MKLN1: variants seen among roughly 807,000 people sequenced by gnomAD.
The protein encoded by MKLN1 is muskelin 1.
A neutral mutation model predicts 99.0 loss-of-function variants in MKLN1; 18 were observed. The observed-to-expected ratio is 0.18, with a 90% CI of 0.13 to 0.27. The LOEUF (loss-of-function observed/expected upper bound fraction) is 0.27. MKLN1 is among the 10% of genes least tolerant of loss of function. MKLN1 has a pLI of 1.00. For missense variants in MKLN1, 621 were observed against 875.9 expected (o/e 0.71, Z 3.67); for synonymous variants, 288 against 293.2 (o/e 0.98, Z 0.18).
At chr7:131,217,765 T>G (rs1797005098) in intron 3 of MKLN1, among the ~76,000 whole-genome samples, 1 of 152,194 alleles carries the variant, frequency 6.6e-6, no homozygotes, top group African/African-American at 2.4e-5. Flanking sequence ...GAAGAAATAC[T>G]TGTACCCCTG....
chr7:131,160,898 G>T (rs1436882767), intron 2 of MKLN1, among the ~76,000 whole-genome samples: 2 of 152,040 alleles, frequency 1.3e-5, no homozygotes, highest in Non-Finnish European at 2.9e-5. Flanking sequence ...TACTCAGAAG[G>T]GGAGAAGTAT....
chr7:131,132,614 A>G (rs1472572788), intron 1 of MKLN1, among the ~76,000 whole-genome samples: 4 of 152,130 alleles, frequency 2.6e-5, no homozygotes, highest in Non-Finnish European at 2.9e-5. Flanking sequence ...GGAAGGAGGT[A>G]GATTTGGGCC....
upstream of MKLN1, chr7:131,323,280 G>A (rs1238842162): frequency 1.3e-5 from 2 of 152,236 alleles, no homozygotes; most frequent in African/African-American, 4.8e-5. Flanking sequence ...AGATCACAGG[G>A]CTGGAAGGAA....
intron 1 of MKLN1, among the ~76,000 whole-genome samples, chr7:131,124,339 A>T (rs1358345352): frequency 2.6e-5 from 4 of 152,212 alleles, no homozygotes; most frequent in African/African-American, 9.7e-5. Context: ...TGGGGGCTGA[A>T]CACCTGGCCG....
At chr7:131,197,397 TTATTATTATTA>T (rs1796664710) in intron 2 of MKLN1, among the ~76,000 whole-genome samples, 1 of 125,692 alleles carries the variant, frequency 8.0e-6, no homozygotes, top group Non-Finnish European at 1.8e-5. Context: ...ATTATTATTA[TTATTATTATTA>T]TTATTATTAT....
chr7:131,289,976 A>C (rs1397405026), intron 3 of MKLN1, among the ~76,000 whole-genome samples: 1 of 152,274 alleles, frequency 6.6e-6, no homozygotes, highest in South Asian at 2.1e-4. Flanking sequence ...TCTTTGCCCA[A>C]ATATTGTCTT....
intron 3 of MKLN1, among the ~76,000 whole-genome samples, chr7:131,291,492 T>G (rs947526853): frequency 4.0e-5 from 6 of 151,758 alleles, no homozygotes; most frequent in Non-Finnish European, 8.8e-5. Flanking sequence ...AGAGTACTTA[T>G]GTACAGAGTT....
intron 8 of MKLN1, among the ~76,000 whole-genome samples, chr7:131,426,195 A>G (rs1363114512): frequency 1.3e-5 from 2 of 152,228 alleles, no homozygotes; most frequent in African/African-American, 4.8e-5. Flanking sequence ...GTGAGAATTT[A>G]TGCGTACAAA....
At chr7:131,433,113 C>T (rs1795575261) in intron 9 of MKLN1, among the ~76,000 whole-genome samples, 2 of 152,152 alleles carry the variant, frequency 1.3e-5, no homozygotes, top group South Asian at 4.1e-4. Flanking sequence ...GAATTTAGAC[C>T]ATGATCATGT....
rs181218451 is a variant in MKLN1 at position 131,417,700 on chromosome 7, A to G, written c.847+2990A>G. Among the ~76,000 whole-genome samples, 99 of 152,310 alleles carry G rather than the reference A, an allele frequency of 6.5e-4. 1 individual carries two copies. Among genetic ancestry groups the G allele is most frequent in the Admixed American group, 2.0e-3 (31 of 15,298 alleles). On this transcript the variant is annotated intron_variant, in intron 8 of 17. Coordinates refer to ENST00000352689, the MANE Select transcript of MKLN1 (RefSeq NM_013255.5). ...AAAAAATATGTTTCCAAGAAGAGCT[A>G]TCTGAAACCTTTTGTCGACATTTTG...
chr7:131,374,592 C>G (rs1480910178), intron 1 of MKLN1, among the ~76,000 whole-genome samples: 3 of 152,100 alleles, frequency 2.0e-5, no homozygotes, highest in Admixed American at 6.5e-5. Flanking sequence ...AACCCATATT[C>G]CTTGTGAAAA....
At chr7:131,295,547 G>GA (rs59935776) in intron 3 of MKLN1, among the ~76,000 whole-genome samples, 65,521 of 149,278 alleles carry the variant, frequency 0.44, 15,673 homozygotes, top group Admixed American at 0.58. Flanking sequence ...AGGGAAAAAA[G>GA]AAAAAAAAAG....
chr7:131,425,693 T>C (rs1795339110), intron 8 of MKLN1, among the ~76,000 whole-genome samples: 1 of 152,182 alleles, frequency 6.6e-6, no homozygotes, highest in African/African-American at 2.4e-5. Context: ...AAGGGGTTGC[T>C]CCTTGAAGAG....
intron 3 of MKLN1, among the ~76,000 whole-genome samples, chr7:131,317,659 G>A (rs1461509296): frequency 1.3e-5 from 2 of 151,000 alleles, no homozygotes; most frequent in Admixed American, 6.6e-5. Context: ...ACACAGACTG[G>A]CAAATTGGAT....
chr7:131,313,302 T>G (rs567882583), intron 3 of MKLN1, among the ~76,000 whole-genome samples: 1 of 152,330 alleles, frequency 6.6e-6, no homozygotes, highest in African/African-American at 2.4e-5. Context: ...TAAACAGACA[T>G]GTATACATGG....
chr7:131,469,609 T>C (rs1796760908), intron 15 of MKLN1, among the ~76,000 whole-genome samples: 1 of 152,200 alleles, frequency 6.6e-6, no homozygotes, highest in Non-Finnish European at 1.5e-5. Context: ...TGTCCCTGCG[T>C]GAAGTACAGA....
intron 1 of MKLN1, among the ~76,000 whole-genome samples, chr7:131,117,361 C>G (rs1334279571): frequency 6.6e-6 from 1 of 151,866 alleles, no homozygotes; most frequent in East Asian, 1.9e-4. Context: ...ACCCGGGAGG[C>G]AGAGATTGCA....
At chr7:131,318,880 C>T (rs1798718894) in intron 3 of MKLN1, among the ~76,000 whole-genome samples, 1 of 152,130 alleles carries the variant, frequency 6.6e-6, no homozygotes, top group Non-Finnish European at 1.5e-5. Flanking sequence ...ATACACCCTC[C>T]CAAGACTAAA....
chr7:131,196,241 C>T (rs1796642892), intron 2 of MKLN1, among the ~76,000 whole-genome samples: 3 of 152,324 alleles, frequency 2.0e-5, no homozygotes, highest in Admixed American at 6.5e-5. Flanking sequence ...TTCCATTCCT[C>T]CTCTCAAATC....
Sources: allele counts gnomAD v4.1 joint callset (sites outside exome capture counted in the v4.1 genomes callset), GRCh38; gene constraint gnomAD v4.1.1; transcripts MANE v1.5; gene names NCBI Gene and HGNC (gene_info 2026-07-23, HGNC 2026-07-21).